HSPA4: variants seen among roughly 807,000 people sequenced by gnomAD.
HSPA4 encodes the protein heat shock protein family A (Hsp70) member 4.
Under a neutral mutation model 106.2 loss-of-function variants are expected in HSPA4, and 25 were observed. The ratio of observed to expected loss-of-function variants is 0.24; its 90% CI spans 0.17 to 0.33. The LOEUF is 0.33. Among genes scored for constraint, HSPA4 ranks in the 10% least tolerant of loss-of-function variants. The pLI, the probability that HSPA4 is intolerant of heterozygous loss-of-function variation, is 1.00. For missense variants in HSPA4, 841 were observed against 996.0 expected, an observed-to-expected ratio of 0.84 and a Z score of 2.10; for synonymous variants, 332 against 333.6, an observed-to-expected ratio of 1.00 and a Z score of 0.05.
intron 11 of HSPA4, among the ~76,000 whole-genome samples, chr5:133,090,430 CAAAA>C (rs56263518): frequency 7.3e-4 from 40 of 54,876 alleles, no homozygotes; most frequent in African/African-American, 3.8e-4. Flanking sequence ...GACTCTGTCT[CAAAA>C]AAAAAAAAAA....
chr5:133,054,913 G>T (rs977772454), intron 1 of HSPA4, among the ~76,000 whole-genome samples: 3 of 152,174 alleles, frequency 2.0e-5, no homozygotes, highest in African/African-American at 4.8e-5. Flanking sequence ...TAGTTCCAAA[G>T]GGCGCACAGG....
chr5:133,077,014 T>C, intron 7 of HSPA4, 116 bp downstream of exon 7: 1 of 1,023,636 alleles, frequency 9.8e-7, no homozygotes, highest in Non-Finnish European at 1.4e-6. Flanking sequence ...ATTTTGGTTC[T>C]ATTTTAAAAA....
intron 7 of HSPA4, 59 bp from the exon 8 acceptor site, chr5:133,086,723 C>T: frequency 1.7e-6 from 2 of 1,210,096 alleles, no homozygotes; most frequent in Non-Finnish European, 1.2e-6. Flanking sequence ...ATCCATTCCA[C>T]ATAAAAGTGG....
chr5:133,089,093 T>G lies in HSPA4; in HGVS notation c.1176T>G (p.Phe392Leu). The G allele has an allele frequency of 6.2e-7, 1 of 1,602,252 alleles. No homozygotes were observed. Among genetic ancestry groups the G allele is most frequent in the Non-Finnish European group, 8.5e-7 (1 of 1,174,492 alleles). ...CGCCTGCTTTCAAAGTCAGAGAATT[T>G]TCTATCACTGATGTAGTACCATATC... ...ILSPAFKVRE[F>L]SITDVVPYPI... Residue 392 changes from phenylalanine to leucine, a missense_variant, in exon 10 of 19, where the codon TTT becomes TTG. Phe to Leu is a conservative substitution (Grantham distance 22, BLOSUM62 0). Transcript: ENST00000304858.
rs981919189 is a variant in HSPA4, at chr5:133,104,627, A to G, written c.*191A>G. On this transcript the variant is annotated 3_prime_UTR_variant, in exon 19 of 19. Transcript: ENST00000304858. ...ATAGTTAGATACAGAAATTAAGTGC[A>G]TTGTATCTTTTTCATAATGGTACTA... 2 of 577,232 alleles carry G rather than the reference A, an allele frequency of 3.5e-6. No homozygotes were observed. Among genetic ancestry groups the G allele is most frequent in the East Asian group, 5.9e-5 (2 of 33,934 alleles). The allele number at this position is 577,232 out of a possible 1,614,324, so 35.8% of individuals were successfully genotyped here. A position where few individuals can be genotyped will look rare whatever the true frequency, so the allele number is the denominator to read the frequency against.
intron 15 of HSPA4, 44 bp from the exon 16 acceptor site, chr5:133,099,501 G>A (rs745603608): frequency 5.9e-6 from 6 of 1,011,190 alleles, no homozygotes; most frequent in African/African-American, 1.6e-5. Flanking sequence ...TATTGGGGAT[G>A]TAATTTTTGA....
chr5:133,054,583 TG>T (rs1217529282), intron 1 of HSPA4, among the ~76,000 whole-genome samples: 6 of 152,220 alleles, frequency 3.9e-5, no homozygotes, highest in Non-Finnish European at 2.9e-5. Context: ...CACAAAACAG[TG>T]CAACCATTAC....
chr5:133,068,411 G>T (rs917909813), intron 3 of HSPA4, among the ~76,000 whole-genome samples: 2 of 151,776 alleles, frequency 1.3e-5, no homozygotes, highest in Non-Finnish European at 2.9e-5. Context: ...TGCACTCAGA[G>T]GTAGTAAGAG....
intron 15 of HSPA4, among the ~76,000 whole-genome samples, chr5:133,097,685 A>G (rs1018707270): frequency 6.6e-6 from 1 of 150,940 alleles, no homozygotes; most frequent in African/African-American, 2.4e-5. Context: ...AATAGCTGGG[A>G]TTACAGGCAT....
intron 2 of HSPA4, among the ~76,000 whole-genome samples, chr5:133,065,691 G>C (rs912087252): frequency 2.0e-4 from 31 of 152,122 alleles, no homozygotes; most frequent in African/African-American, 7.2e-4. Flanking sequence ...GGTAAGTGTT[G>C]ATCTTGTTAA....
At chr5:133,059,412 C>T (rs1329804737) in intron 1 of HSPA4, among the ~76,000 whole-genome samples, 1 of 149,580 alleles carries the variant, frequency 6.7e-6, no homozygotes, top group African/African-American at 2.5e-5. Flanking sequence ...TATGCCATTG[C>T]ATCCAGCCTG....
intron 7 of HSPA4, 94 bp downstream of exon 7, chr5:133,076,992 G>T (rs1765454026): frequency 2.7e-6 from 3 of 1,130,314 alleles, no homozygotes; most frequent in Non-Finnish European, 3.8e-6. Context: ...TAATCACGGA[G>T]GTTATATGAT....
At chr5:133,053,589 G>T (rs774785860) in intron 1 of HSPA4, among the ~76,000 whole-genome samples, 4 of 151,980 alleles carry the variant, frequency 2.6e-5, no homozygotes, top group African/African-American at 9.7e-5. Flanking sequence ...GACTCAAGCA[G>T]TCCTCCAGCC....
chr5:133,091,440 C>T, intron 12 of HSPA4, 66 bp downstream of exon 12: 2 of 1,290,902 alleles, frequency 1.5e-6, no homozygotes, highest in Non-Finnish European at 1.1e-6. Flanking sequence ...TTGTAGCAAG[C>T]AGACTTGGTG....
At chr5:133,103,198 A>T (rs1765811048) in intron 17 of HSPA4, among the ~76,000 whole-genome samples, 1 of 151,614 alleles carries the variant, frequency 6.6e-6, no homozygotes, top group Non-Finnish European at 1.5e-5. Flanking sequence ...AGTAGCTGGG[A>T]CTATAGGCAC....
At chr5:133,056,483 ATGGTCTCAAACTCC>A (rs1765166438) in intron 1 of HSPA4, among the ~76,000 whole-genome samples, 1 of 152,172 alleles carries the variant, frequency 6.6e-6, no homozygotes, top group Non-Finnish European at 1.5e-5. Context: ...GTTGGCCAGG[ATGGTCTCAAACTCC>A]TGGTCTCAAG....
At chr5:133,056,653 A>G (rs375241823) in intron 1 of HSPA4, among the ~76,000 whole-genome samples, 59 of 152,372 alleles carry the variant, frequency 3.9e-4, no homozygotes, top group African/African-American at 1.4e-3. Context: ...TAGTTCTTCA[A>G]TAAGTAGCCT....
intron 14 of HSPA4, 132 bp downstream of exon 14, chr5:133,096,382 G>A: frequency 1.4e-6 from 1 of 731,846 alleles, no homozygotes; most frequent in Non-Finnish European, 2.2e-6. Flanking sequence ...ACTTTTGTGT[G>A]GTATTGTAAG....
chr5:133,070,379 A>G lies in HSPA4; in HGVS notation c.312A>G (p.Thr104=). ...CCTTTGTTGTTTTCTTGCAGGTGAC[A>G]TATATGGAGGAAGAGCGAAATTTTA... ...LPTGLTGIKV[T]YMEEERNFTT... The change falls in exon 4 of 19, where the codon ACA becomes ACG. Residue 104 remains threonine, a synonymous_variant. Coordinates refer to ENST00000304858, the MANE Select transcript of HSPA4 (RefSeq NM_002154.4). 1.9e-6 allele frequency: 3 copies of G among 1,610,450 alleles called. No homozygotes were observed. The highest frequency in any genetic ancestry group is 2.2e-5 in the South Asian group (2 of 90,372).
Sources: allele counts gnomAD v4.1 joint callset (sites outside exome capture counted in the v4.1 genomes callset), GRCh38; gene constraint gnomAD v4.1.1; transcripts MANE v1.5; gene names NCBI Gene and HGNC (gene_info 2026-07-23, HGNC 2026-07-21).